POU2F3: variants seen among roughly 807,000 people sequenced by gnomAD.
POU2F3 encodes the protein POU domain, class 2, transcription factor 3.
Under a neutral mutation model 59.2 loss-of-function variants are expected in POU2F3, and 23 were observed. The ratio of observed to expected loss-of-function variants is 0.39; its 90% CI spans 0.28 to 0.55. POU2F3 has a LOEUF of 0.55. Ranked by LOEUF, POU2F3 falls within the 20% of genes least tolerant of loss-of-function variation. POU2F3 has a pLI of 0.66. For synonymous variants in POU2F3, 190 were observed against 214.6 expected, an observed-to-expected ratio of 0.89 and a Z score of 1.00; for missense variants, 473 against 544.5, an observed-to-expected ratio of 0.87 and a Z score of 1.31.
chr11:120,298,920 A>G (rs988394222), intron 4 of POU2F3, among the ~76,000 whole-genome samples: 19 of 152,160 alleles, frequency 1.2e-4, no homozygotes, highest in African/African-American at 4.6e-4. Flanking sequence ...AAGAATATGC[A>G]TCTGTCCCTT....
rs1591451118 is a variant in POU2F3, at chr11:120,318,511, A to G, written c.*119A>G. 5 of 1,037,262 alleles carry G rather than the reference A, an allele frequency of 4.8e-6. No individual in the cohort carries two copies. The East Asian group carries it at 9.5e-5, about 20-fold the overall frequency. 64.3% of individuals were successfully genotyped at this position (1,037,262 alleles called of 1,614,324 possible). A position where few individuals can be genotyped will look rare whatever the true frequency, so the allele number is the denominator to read the frequency against. ...GAGTGGAAGAAAATCTCCACTATCA[A>G]TGAACCCAGACTCTTGTCTTCTTCA... On this transcript the variant is annotated 3_prime_UTR_variant, in exon 13 of 13. Transcript: ENST00000543440.
chr11:120,275,705 G>A (rs1443096391), intron 3 of POU2F3, among the ~76,000 whole-genome samples: 1 of 152,156 alleles, frequency 6.6e-6, no homozygotes, highest in Non-Finnish European at 1.5e-5. Flanking sequence ...TGCCCCAAAA[G>A]CTGAGAATCA....
At chr11:120,301,789 C>G (rs534926220) in intron 5 of POU2F3, 1 of 154,340 alleles carries the variant, frequency 6.5e-6, no homozygotes, top group Admixed American at 6.5e-5. Flanking sequence ...CTAAGGCCCA[C>G]TGCCCTTTAG....
intron 2 of POU2F3, chr11:120,256,498 A>G (rs1305239362): frequency 6.6e-6 from 1 of 152,178 alleles, no homozygotes; most frequent in African/African-American, 2.4e-5. Flanking sequence ...AGACTTGCCT[A>G]TACATTCACT....
At chr11:120,240,135 T>A (rs1246494155), upstream of POU2F3, 3 of 1,183,738 alleles carry the variant, frequency 2.5e-6, no homozygotes, top group African/African-American at 3.2e-5. Context: ...CGTGCTCACC[T>A]GGGGAGTGTG....
intron 9 of POU2F3, 106 bp downstream of exon 9, chr11:120,307,721 CT>C: frequency 7.1e-7 from 1 of 1,404,890 alleles, no homozygotes; most frequent in Non-Finnish European, 9.7e-7. Flanking sequence ...CTCACACCTG[CT>C]CTGGGACACG....
At chr11:120,284,946 T>C (rs764505180) in intron 3 of POU2F3, among the ~76,000 whole-genome samples, 2 of 152,202 alleles carry the variant, frequency 1.3e-5, no homozygotes, top group Admixed American at 6.5e-5. Context: ...TTATTCATAA[T>C]ATAATGTCTT....
At chr11:120,260,809 T>C (rs1220418372) in intron 2 of POU2F3, among the ~76,000 whole-genome samples, 2 of 152,228 alleles carry the variant, frequency 1.3e-5, no homozygotes, top group African/African-American at 4.8e-5. Context: ...GACTCATGCC[T>C]GTAATCCCAG....
At chr11:120,293,221 G>A (rs11603274) in intron 3 of POU2F3, among the ~76,000 whole-genome samples, 24,328 of 151,972 alleles carry the variant, frequency 0.16, 3,467 homozygotes, top group African/African-American at 0.38. Context: ...AGAGTCCAGG[G>A]GCTGGATGAG....
At chr11:120,252,085 C>T (rs1274520812) in intron 2 of POU2F3, among the ~76,000 whole-genome samples, 16 of 151,826 alleles carry the variant, frequency 1.1e-4, no homozygotes, top group Admixed American at 9.8e-4. Context: ...TGAGCCACCG[C>T]GCCTGGCCTT....
In POU2F3 at chr11:120,307,562, C is replaced by A; in HGVS notation, c.853C>A (p.Arg285=). Residue 285 remains arginine, a synonymous_variant, in exon 9 of 13, where the codon CGG becomes AGG. Transcript: ENST00000543440. The part of the protein sequence containing the change: ...SEVFGRKRKK[R]TSIETNIRLT... ...AGTATTTGGTAGGAAGAGAAAGAAA[C>A]GGACCAGCATCGAGACCAACATCCG... 1 of 1,614,182 alleles carries A rather than the reference C, an allele frequency of 6.2e-7. No individual in the cohort carries two copies.
intron 6 of POU2F3, 87 bp downstream of exon 6, chr11:120,302,455 C>T: frequency 7.7e-7 from 1 of 1,290,876 alleles, no homozygotes; most frequent in Non-Finnish European, 1.1e-6. Context: ...ACCCCTTTAA[C>T]AGGGCACTAA....
chr11:120,312,199 C>T (rs1238175334), intron 10 of POU2F3, among the ~76,000 whole-genome samples: 1 of 152,176 alleles, frequency 6.6e-6, no homozygotes, highest in East Asian at 1.9e-4. Flanking sequence ...TCTAGGCTCA[C>T]TGCAACCTCC....
intron 2 of POU2F3, among the ~76,000 whole-genome samples, chr11:120,252,408 G>A (rs1017343387): frequency 1.3e-5 from 2 of 151,252 alleles, no homozygotes; most frequent in African/African-American, 2.4e-5. Context: ...GGGTTTCACC[G>A]TGTTGGCCAG....
At position 120,298,257 on chromosome 11, in the gene POU2F3, A is replaced by G. The variant is rs138139187; in HGVS notation, c.133-8A>G. ...GCACTGACGCTCTCCTCTTGCTTCC[A>G]CTTGCAGATTAAAACCGAAGATCTC... On this transcript the variant is annotated splice_polypyrimidine_tract_variant and splice_region_variant and intron_variant, in intron 3 of 12. Coordinates refer to ENST00000543440, the MANE Select transcript of POU2F3 (RefSeq NM_014352.4). The G allele has an allele frequency of 9.4e-3, 15,135 of 1,609,388 alleles. 461 individuals are homozygous for G. In the Admixed American group the frequency reaches 0.11, roughly 11 times the overall value.
At chr11:120,316,010 T>C (rs1047842551) in intron 11 of POU2F3, among the ~76,000 whole-genome samples, 16 of 152,020 alleles carry the variant, frequency 1.1e-4, no homozygotes, top group African/African-American at 3.9e-4. Flanking sequence ...GTAACTGGGA[T>C]TACAGGCGTG....
At chr11:120,248,153 T>A (rs1938946966) in intron 2 of POU2F3, among the ~76,000 whole-genome samples, 1 of 152,112 alleles carries the variant, frequency 6.6e-6, no homozygotes, top group African/African-American at 2.4e-5. Context: ...AGAGAAAGAA[T>A]CCAGACATTG....
At chr11:120,280,121 G>C (rs1319453162) in intron 3 of POU2F3, among the ~76,000 whole-genome samples, 1 of 152,178 alleles carries the variant, frequency 6.6e-6, no homozygotes, top group Non-Finnish European at 1.5e-5. Flanking sequence ...GCAGGGCCAG[G>C]CCTTCCCTTT....
At chr11:120,302,934 C>T (rs1415355159) in intron 6 of POU2F3, 3 of 152,406 alleles carry the variant, frequency 2.0e-5, no homozygotes, top group Non-Finnish European at 2.9e-5. Flanking sequence ...GAAAAAGGCA[C>T]CTCTTCTGGC....
Sources: allele counts gnomAD v4.1 joint callset (sites outside exome capture counted in the v4.1 genomes callset), GRCh38; gene constraint gnomAD v4.1.1; transcripts MANE v1.5; gene names NCBI Gene and HGNC (gene_info 2026-07-23, HGNC 2026-07-21).